The following PPM1F variants were observed in gnomAD, a reference collection of about 807,000 sequenced individuals.
The protein encoded by PPM1F is protein phosphatase 1F.
PPM1F carries 17 observed loss-of-function variants against 35.5 expected under a neutral mutation model. That is an observed-to-expected ratio of 0.48 (90% confidence interval 0.33 to 0.72). The LOEUF (loss-of-function observed/expected upper bound fraction) is 0.72, where lower values mean the gene tolerates loss of function less well. Ranked by LOEUF, PPM1F falls within the 30% of genes least tolerant of loss-of-function variation. The probability of loss-of-function intolerance (pLI) is 0.02; values close to 1 mark genes in which losing one functional copy is unlikely to be tolerated. For missense variants in PPM1F, 521 were observed against 613.0 expected (o/e 0.85, Z 1.59); for synonymous variants, 241 against 255.5 (o/e 0.94, Z 0.54).
At chr22:21,950,594 A>G (rs1220390879) in intron 1 of PPM1F, 3 of 152,144 alleles carry the variant, frequency 2.0e-5, no homozygotes, top group African/African-American at 7.2e-5. Context: ...ATAGTGTAAC[A>G]AAAGCATCAT....
chr22:21,929,736 C>A (rs548890504), intron 6 of PPM1F, among the ~76,000 whole-genome samples: 5 of 152,210 alleles, frequency 3.3e-5, no homozygotes, highest in East Asian at 3.9e-4. Context: ...GTGCTCTGGG[C>A]AAGTGACTGA....
At chr22:21,952,252 C>G (rs1205996773) in intron 1 of PPM1F, 1 of 152,296 alleles carries the variant, frequency 6.6e-6, no homozygotes, top group Non-Finnish European at 1.5e-5. Context: ...GCTGAAGCAG[C>G]TGCAGCCCGA....
chr22:21,952,727 GCGCT>G (rs2070854437), intron 1 of PPM1F, 61 bp downstream of exon 1: 1 of 152,432 alleles, frequency 6.6e-6, no homozygotes, highest in Admixed American at 6.6e-5. Flanking sequence ...TGCGCCTTGG[GCGCT>G]CGCCTGACCC....
rs1029245482 is a variant in PPM1F, at chr22:21,920,901, G to A, written c.*2191C>T. On this transcript the variant is annotated 3_prime_UTR_variant, in exon 8 of 8. Transcript: ENST00000263212. ...CACGGGCAGGGTGGGCTAGTGGTGA[G>A]GGTGGAGCTGCGTCCCTGACCCCCA... The A allele has an allele frequency of 3.9e-5, 6 of 152,278 alleles. No individual in the cohort carries two copies. The highest frequency in any genetic ancestry group is 1.4e-4 in the African/African-American group (6 of 41,466). The allele number at this position is 152,278 out of a possible 1,614,324, so 9.4% of individuals were successfully genotyped here.
At chr22:21,934,324 C>T in intron 3 of PPM1F, 98 bp from the exon 4 acceptor site, 3 of 940,490 alleles carry the variant, frequency 3.2e-6, no homozygotes, top group Non-Finnish European at 3.2e-6. Flanking sequence ...CTGCAAAGCC[C>T]CCATCACCTC....
intron 7 of PPM1F, among the ~76,000 whole-genome samples, chr22:21,924,348 A>G (rs186734980): frequency 1.3e-5 from 2 of 151,296 alleles, no homozygotes; most frequent in African/African-American, 4.9e-5. Flanking sequence ...GCTCACCGCA[A>G]CCTCCACCTC....
intron 1 of PPM1F, chr22:21,946,686 A>C (rs1013975446): frequency 2.0e-5 from 3 of 152,484 alleles, no homozygotes; most frequent in Non-Finnish European, 4.4e-5. Flanking sequence ...GGGCCACCCA[A>C]GGGGTGGCCA....
At chr22:21,942,027 C>T (rs980307722) in intron 2 of PPM1F, 21 of 152,326 alleles carry the variant, frequency 1.4e-4, no homozygotes, top group African/African-American at 5.1e-4. Context: ...TGCCTTCTCA[C>T]CCAGTGGGGG....
chr22:21,931,006 C>G, intron 6 of PPM1F, 142 bp downstream of exon 6: 1 of 1,387,572 alleles, frequency 7.2e-7, no homozygotes, highest in South Asian at 1.4e-5. Context: ...CCCGGCCACT[C>G]AAATCAGGCA....
intron 6 of PPM1F, among the ~76,000 whole-genome samples, chr22:21,927,768 C>A (rs2070533714): frequency 6.6e-6 from 1 of 152,128 alleles, no homozygotes; most frequent in Non-Finnish European, 1.5e-5. Flanking sequence ...CCGGGCTCGC[C>A]CCTCTAACCC....
chr22:21,931,130 G>A lies in PPM1F; in HGVS notation c.891+18C>T. On this transcript the variant is annotated intron_variant, in intron 6 of 7. Transcript: ENST00000263212. Reference sequence around the variant, plus strand: ...GAGGCCAGGAATATCCTGGGCCTGGGCGCAGGGATCCCCTTACCTGCCGTT... The same window carrying A: ...GAGGCCAGGAATATCCTGGGCCTGGACGCAGGGATCCCCTTACCTGCCGTT... 6.2e-7 allele frequency: 1 copy of A among 1,613,656 alleles called. No individual in the cohort carries two copies. Among genetic ancestry groups the A allele is most frequent in the South Asian group, 1.1e-5 (1 of 91,048 alleles).
rs1191311427 is a variant in PPM1F at position 21,939,703 on chromosome 22, G to A, written c.207-23C>T. ...TTCCTAGGGATGAGGAGGGGGAAGT[G>A]AGGGGCAGCCCCCAGCAGGAGACCA... On this transcript the variant is annotated intron_variant, in intron 2 of 7. Coordinates refer to ENST00000263212, the MANE Select transcript of PPM1F (RefSeq NM_014634.4). The surrounding 1 kb of genome is among the most constrained non-coding windows in gnomAD (Gnocchi z 5.1). 3.2e-6 allele frequency: 5 copies of A among 1,551,116 alleles called. No individual in the cohort carries two copies. The African/African-American group carries it at 4.1e-5, about 13-fold the overall frequency.
At chr22:21,946,924 G>C (rs1488156527) in intron 1 of PPM1F, 1 of 152,242 alleles carries the variant, frequency 6.6e-6, no homozygotes, top group African/African-American at 2.4e-5. Flanking sequence ...GAGCTGACCA[G>C]CCCTGGGAGT....
intron 6 of PPM1F, among the ~76,000 whole-genome samples, chr22:21,926,871 G>A (rs1488764322): frequency 1.3e-5 from 2 of 152,312 alleles, no homozygotes; most frequent in African/African-American, 4.8e-5. Context: ...CAGAGCAGAC[G>A]GACATGCACT....
At chr22:21,927,717 C>A (rs553125245) in intron 6 of PPM1F, among the ~76,000 whole-genome samples, 22 of 152,340 alleles carry the variant, frequency 1.4e-4, no homozygotes, top group Non-Finnish European at 3.1e-4. Context: ...CCCTCTCCTG[C>A]CATTCTGCAC....
At chr22:21,946,349 A>G (rs2070777443) in intron 1 of PPM1F, 2 of 292,948 alleles carry the variant, frequency 6.8e-6, no homozygotes, top group African/African-American at 4.4e-5. Context: ...TCAAGAAGTG[A>G]CAGAGGAGGA....
At chr22:21,938,155 CCCGAG>C in intron 3 of PPM1F, 2 of 1,303,124 alleles carry the variant, frequency 1.5e-6, no homozygotes, top group Non-Finnish European at 1.0e-6. Context: ...CTGCAGGAGC[CCCGAG>C]CGTAGGACTG....
At chr22:21,948,695 C>A (rs1360698119) in intron 1 of PPM1F, 1 of 152,318 alleles carries the variant, frequency 6.6e-6, no homozygotes. Flanking sequence ...CTTGCAATTC[C>A]AAGTGATCTG....
At chr22:21,932,030 C>T (rs2070597218) in intron 5 of PPM1F, among the ~76,000 whole-genome samples, 1 of 151,988 alleles carries the variant, frequency 6.6e-6, no homozygotes, top group African/African-American at 2.4e-5. Context: ...GTTGGCCAGG[C>T]TGGTCTCAAA....
Sources: allele counts gnomAD v4.1 joint callset (sites outside exome capture counted in the v4.1 genomes callset), GRCh38; gene constraint gnomAD v4.1.1; non-coding constraint Gnocchi (gnomAD v3.1); transcripts MANE v1.5; gene names NCBI Gene and HGNC (gene_info 2026-07-23, HGNC 2026-07-21).